Variants in PHF21A observed in about 807,000 individuals in gnomAD.
PHF21A encodes PHD finger protein 21A.
A neutral mutation model predicts 82.5 loss-of-function variants in PHF21A; 11 were observed. That is an observed-to-expected ratio of 0.13 (90% CI 0.08 to 0.22). The LOEUF (loss-of-function observed/expected upper bound fraction) is 0.22, where lower values mean the gene tolerates loss of function less well. Among genes scored for constraint, PHF21A ranks in the 10% least tolerant of loss-of-function variants. The pLI is 1.00. For missense variants in PHF21A, 579 were observed against 837.8 expected (o/e 0.69, Z 3.81); for synonymous variants, 297 against 302.8 (o/e 0.98, Z 0.20).
In PHF21A at chr11:45,933,018, TCA is replaced by T. The variant is rs2087858848; in HGVS notation, c.*948_*949del. The stretch of plus-strand genomic sequence containing the variant: ...GAGAAAAGAAACGTCTCCATTCAAT[TCA>T]CACACACCTGGGTCGCGTGCTGCTT... On this transcript the variant is annotated 3_prime_UTR_variant, in exon 19 of 19. Transcript: ENST00000676320. The T allele has an allele frequency of 6.6e-6, 1 of 152,646 alleles. No individual in the cohort carries two copies. Among genetic ancestry groups the T allele is most frequent in the Admixed American group, 6.5e-5 (1 of 15,286 alleles). 9.5% of individuals were successfully genotyped at this position (152,646 alleles called of 1,614,324 possible).
At chr11:45,967,968 A>T (rs1338967440) in intron 9 of PHF21A, among the ~76,000 whole-genome samples, 1 of 152,200 alleles carries the variant, frequency 6.6e-6, no homozygotes, top group East Asian at 1.9e-4. Flanking sequence ...ACAATCCACT[A>T]AACTGCTTTC....
intron 6 of PHF21A, among the ~76,000 whole-genome samples, chr11:46,053,021 C>A (rs1477553630): frequency 1.3e-5 from 2 of 152,168 alleles, no homozygotes; most frequent in Non-Finnish European, 2.9e-5. Context: ...CTCTACACAA[C>A]AAGGTGAAAA....
rs117478001 is a variant in PHF21A, at chr11:45,936,208, G to A, written c.1684+286C>T. 3.6e-4 allele frequency among the ~76,000 whole-genome samples: 55 copies of A among 152,306 alleles called. 2 individuals carry two copies. In the East Asian group the frequency reaches 0.01, roughly 28 times the overall value. On this transcript the variant is annotated intron_variant, in intron 17 of 18. Transcript: ENST00000676320. ...TAGGAGGATCGACTGGGCCCAGGAG[G>A]AGGAAGCTGCAGTGGGCTGTGATCA...
chr11:45,969,854 G>C lies in PHF21A; in HGVS notation c.663C>G (p.Pro221=). ...TTGGACGTGGAGTGAGTCTAGGAGG[G>C]GGGATAAACTGTGGTACTTTGATGG... is the stretch of plus-strand genomic sequence containing the variant. ...PQPIKVPQFI[P]PPRLTPRPNF... is the part of the protein sequence containing the mutation. The change falls in exon 9 of 19, where the codon CCC becomes CCG. Residue 221 remains proline, a synonymous_variant. Coordinates refer to ENST00000676320, the MANE Select transcript of PHF21A (RefSeq NM_001352027.3). 1.2e-6 allele frequency: 2 copies of C among 1,613,898 alleles called. No individual in the cohort carries two copies. The highest frequency in any genetic ancestry group is 1.7e-6 in the Non-Finnish European group (2 of 1,179,852).
chr11:46,074,421 T>A (rs1396412929), intron 6 of PHF21A, among the ~76,000 whole-genome samples: 1 of 149,514 alleles, frequency 6.7e-6, no homozygotes, highest in Non-Finnish European at 1.5e-5. Flanking sequence ...GAAGGAAAAT[T>A]GGTTAGGTTC....
intron 6 of PHF21A, among the ~76,000 whole-genome samples, chr11:46,037,463 G>A (rs1430001231): frequency 2.0e-5 from 3 of 152,074 alleles, no homozygotes; most frequent in Non-Finnish European, 4.4e-5. Flanking sequence ...TCAACATGGA[G>A]AAACCCCGTC....
chr11:45,951,721 C>G (rs1384910128), intron 11 of PHF21A, among the ~76,000 whole-genome samples: 3 of 152,088 alleles, frequency 2.0e-5, no homozygotes, highest in African/African-American at 7.2e-5. Flanking sequence ...CCCTTATTGG[C>G]CACTCACACC....
chr11:45,953,453 A>C (rs2135562694), intron 11 of PHF21A, 74 bp downstream of exon 11: 3 of 835,232 alleles, frequency 3.6e-6, no homozygotes, highest in South Asian at 2.8e-5. Flanking sequence ...TTCAGAGAGC[A>C]GGTGCCCCTC....
chr11:46,001,717 G>A (rs541988717), intron 6 of PHF21A, among the ~76,000 whole-genome samples: 26 of 152,236 alleles, frequency 1.7e-4, no homozygotes, highest in African/African-American at 5.3e-4. Flanking sequence ...ATAGGCCATG[G>A]GAGAATAAAA....
At chr11:46,038,231 A>G (rs2096057652) in intron 6 of PHF21A, among the ~76,000 whole-genome samples, 1 of 151,534 alleles carries the variant, frequency 6.6e-6, no homozygotes, top group Non-Finnish European at 1.5e-5. Flanking sequence ...GTTTCAAGCG[A>G]TTCTCCTGCC....
chr11:46,085,200 C>T (rs556203507), intron 3 of PHF21A, among the ~76,000 whole-genome samples: 27 of 152,224 alleles, frequency 1.8e-4, no homozygotes, highest in East Asian at 1.2e-3. Flanking sequence ...GTACTATCCA[C>T]GAACTTATGA....
chr11:45,989,752 A>G (rs1036476395), intron 6 of PHF21A, among the ~76,000 whole-genome samples: 1 of 152,128 alleles, frequency 6.6e-6, no homozygotes, highest in African/African-American at 2.4e-5. Context: ...TAATTCCAGC[A>G]CTTTGGGAGG....
At chr11:46,016,270 G>A (rs1159638367) in intron 6 of PHF21A, among the ~76,000 whole-genome samples, 1 of 152,158 alleles carries the variant, frequency 6.6e-6, no homozygotes, top group Non-Finnish European at 1.5e-5. Flanking sequence ...TTCTCAAAAA[G>A]GGATATCACC....
chr11:46,021,503 A>G (rs2095630921), intron 6 of PHF21A, among the ~76,000 whole-genome samples: 1 of 152,124 alleles, frequency 6.6e-6, no homozygotes, highest in African/African-American at 2.4e-5. Context: ...AAGCAATCAA[A>G]GAGACCCTTA....
intron 2 of PHF21A, 87 bp downstream of exon 2, chr11:46,092,096 A>C (rs1231607197): frequency 0.012 from 1 of 86 alleles, no homozygotes; most frequent in Non-Finnish European, 0.025. Flanking sequence ...CTATTTGCCA[A>C]AAAAAAAAAA....
chr11:46,054,498 T>C (rs1430623329), intron 6 of PHF21A, among the ~76,000 whole-genome samples: 1 of 152,196 alleles, frequency 6.6e-6, no homozygotes, highest in Non-Finnish European at 1.5e-5. Flanking sequence ...AGATTCTGAT[T>C]CAACTGGTCT....
intron 6 of PHF21A, among the ~76,000 whole-genome samples, chr11:46,059,417 C>T (rs2096503428): frequency 6.6e-6 from 1 of 152,100 alleles, no homozygotes; most frequent in Non-Finnish European, 1.5e-5. Flanking sequence ...CAATACCAAT[C>T]TCAATTTTTT....
intron 18 of PHF21A, 138 bp downstream of exon 18, chr11:45,935,498 G>C (rs1336702841): frequency 3.0e-6 from 2 of 674,204 alleles, no homozygotes; most frequent in African/African-American, 3.6e-5. Context: ...ATGGCAAACT[G>C]CATTTGCCCA....
chr11:45,999,914 T>C (rs1039449639), intron 6 of PHF21A, among the ~76,000 whole-genome samples: 1 of 152,230 alleles, frequency 6.6e-6, no homozygotes, highest in Non-Finnish European at 1.5e-5. Context: ...AGGCTTGTCT[T>C]ATCCTCTGTG....
Sources: gnomAD v4.1 joint callset for allele counts (sites outside exome capture counted in the v4.1 genomes callset) on GRCh38, gnomAD v4.1.1 for gene constraint, MANE v1.5 for transcripts, NCBI Gene and HGNC (gene_info 2026-07-23, HGNC 2026-07-21) for gene names.